SNUPN: variants seen among roughly 807,000 people sequenced by gnomAD.
The protein encoded by SNUPN is snurportin-1.
Under a neutral mutation model 39.2 loss-of-function variants are expected in SNUPN, and 31 were observed. The ratio of observed to expected loss-of-function variants is 0.79; its 90% CI spans 0.59 to 1.07. The LOEUF is 1.07. Among genes scored for constraint, SNUPN ranks in the 50% least tolerant of loss-of-function variants. The probability of loss-of-function intolerance (pLI) is 0.00; values close to 1 mark genes in which losing one functional copy is unlikely to be tolerated. For synonymous variants in SNUPN, 132 were observed against 159.0 expected (o/e 0.83, Z 1.28); for missense variants, 382 against 434.2 (o/e 0.88, Z 1.07).
At chr15:75,615,481 G>A (rs1161184300) in intron 3 of SNUPN, among the ~76,000 whole-genome samples, 1 of 151,844 alleles carries the variant, frequency 6.6e-6, no homozygotes, top group Non-Finnish European at 1.5e-5. Flanking sequence ...GCCCTAAAAT[G>A]CACTGCACTT....
At chr15:75,615,671 G>A (rs559285473) in intron 3 of SNUPN, among the ~76,000 whole-genome samples, 7 of 135,614 alleles carry the variant, frequency 5.2e-5, no homozygotes, top group Admixed American at 2.6e-4. Flanking sequence ...GTGTGATCTC[G>A]GCTCACTGCA....
chr15:75,612,427 C>T (rs1245924222), intron 3 of SNUPN, among the ~76,000 whole-genome samples: 2 of 152,158 alleles, frequency 1.3e-5, no homozygotes, highest in Non-Finnish European at 2.9e-5. Flanking sequence ...CCCTTGGCAC[C>T]ATGACATAGC....
At chr15:75,609,515 A>T (rs1277203636) in intron 5 of SNUPN, 43 bp downstream of exon 5, 6 of 1,529,052 alleles carry the variant, frequency 3.9e-6, no homozygotes, top group Non-Finnish European at 4.5e-6. Context: ...AGCAAATTAC[A>T]CTGTCTTTTA....
At chr15:75,623,925 ATTTT>A (rs144317163) in intron 1 of SNUPN, among the ~76,000 whole-genome samples, 2 of 118,396 alleles carry the variant, frequency 1.7e-5, no homozygotes, top group Non-Finnish European at 3.4e-5. Flanking sequence ...TCATGATAAA[ATTTT>A]TTTTTTTTTT....
intron 1 of SNUPN, among the ~76,000 whole-genome samples, chr15:75,621,309 G>A (rs992393663): frequency 6.2e-5 from 9 of 144,832 alleles, no homozygotes; most frequent in Non-Finnish European, 1.0e-4. Flanking sequence ...CACCCAGGTC[G>A]GAGTGTAGTG....
At chr15:75,599,332 T>G (rs534094990) in intron 8 of SNUPN, among the ~76,000 whole-genome samples, 14 of 152,208 alleles carry the variant, frequency 9.2e-5, no homozygotes, top group African/African-American at 3.1e-4. Context: ...ACACAGTGAG[T>G]AGGAAGCAGG....
chr15:75,613,236 G>C (rs1457451268), intron 3 of SNUPN, among the ~76,000 whole-genome samples: 1 of 136,914 alleles, frequency 7.3e-6, no homozygotes, highest in Non-Finnish European at 1.5e-5. Flanking sequence ...TCCAGCCTGG[G>C]CGACAGAGCA....
intron 1 of SNUPN, among the ~76,000 whole-genome samples, chr15:75,623,925 AT>A (rs144317163): frequency 0.28 from 33,269 of 118,154 alleles, 3,276 homozygotes; most frequent in Middle Eastern, 0.42. Flanking sequence ...TCATGATAAA[AT>A]TTTTTTTTTT....
At chr15:75,605,964 G>A (rs1347719716) in intron 6 of SNUPN, among the ~76,000 whole-genome samples, 1 of 152,144 alleles carries the variant, frequency 6.6e-6, no homozygotes, top group Non-Finnish European at 1.5e-5. Flanking sequence ...GGCCAACATG[G>A]TGAAACGCCG....
chr15:75,620,965 G>A lies in SNUPN; in HGVS notation c.87C>T (p.Ser29=). Residue 29 remains serine, a synonymous_variant, in exon 2 of 9, where the codon TCC becomes TCT. Transcript: ENST00000308588. ...AGGAACTGTACTTGGACTTGTACTG[G>A]GATAGGCGGGGGTGTGGGGCAGCTG... ...NSTAAPHPRL[S]QYKSKYSSLE... The A allele has an allele frequency of 6.2e-7, 1 of 1,614,110 alleles. No homozygotes were observed. The highest frequency in any genetic ancestry group is 8.5e-7 in the Non-Finnish European group (1 of 1,179,996).
At position 75,598,566 on chromosome 15, in the gene SNUPN, G is replaced by A; in HGVS notation, c.875C>T (p.Ala292Val). 6.2e-7 allele frequency: 1 copy of A among 1,614,228 alleles called. No homozygotes were observed. The highest frequency in any genetic ancestry group is 1.7e-5 in the Admixed American group (1 of 60,024). ...GTCTGGCTTGGTGGTCAGCGGGCCA[G>A]CCGGCACAGCTACACCAAGGACATC... is the stretch of plus-strand genomic sequence containing the variant. The part of the protein sequence containing the change: ...VSDVLGVAVP[A>V]GPLTTKPDYA... The change falls in exon 9 of 9, where the codon GCT (alanine) becomes GTT (valine). Residue 292 changes from alanine (A) to valine (V), a missense_variant. Ala to Val is a moderately conservative substitution (Grantham distance 64). Transcript: ENST00000308588.
intron 3 of SNUPN, among the ~76,000 whole-genome samples, chr15:75,616,409 G>A (rs1329896486): frequency 2.0e-5 from 3 of 151,782 alleles, no homozygotes; most frequent in Non-Finnish European, 4.4e-5. Context: ...AGTGAGCCAC[G>A]ATCGTACCAC....
chr15:75,601,012 A>G (rs2075281163), intron 8 of SNUPN, 126 bp downstream of exon 8: 3 of 742,036 alleles, frequency 4.0e-6, no homozygotes, highest in Admixed American at 3.8e-5. Flanking sequence ...CTTTCTCCAG[A>G]ATCAGCTTTG....
rs542001197 is a variant in SNUPN at position 75,621,151 on chromosome 15, G to GA, written c.-5-96dup. 559 of 1,239,556 alleles carry GA rather than the reference G, an allele frequency of 4.5e-4. 1 individual carries two copies. The African/African-American group carries it at 6.9e-3, about 15-fold the overall frequency. The allele number at this position is 1,239,556 out of a possible 1,614,324, so 76.8% of individuals were successfully genotyped here. On this transcript the variant is annotated intron_variant, in intron 1 of 8. Transcript: ENST00000308588. ...GTTATGATATGATGGCCACATTCCT[G>GA]AAAAAAAATTAACTTAATGCAAAAT...
At chr15:75,622,290 TG>T in intron 1 of SNUPN, 1 of 938,950 alleles carries the variant, frequency 1.1e-6, no homozygotes, top group East Asian at 1.2e-4. Flanking sequence ...AGTTGTGTTT[TG>T]TTTTTGGGTG....
At chr15:75,607,461 C>T in intron 5 of SNUPN, 148 bp from the exon 6 acceptor site, 2 of 636,982 alleles carry the variant, frequency 3.1e-6, no homozygotes, top group South Asian at 1.8e-5. Flanking sequence ...TAAGGATTCA[C>T]TGGGGAGAGA....
chr15:75,620,768 G>C, intron 2 of SNUPN, 126 bp downstream of exon 2: 1 of 813,326 alleles, frequency 1.2e-6, no homozygotes, highest in Non-Finnish European at 1.9e-6. Context: ...CAACCTGTGG[G>C]CAAGAAGATC....
intron 1 of SNUPN, 159 bp downstream of exon 1, chr15:75,625,507 G>A (rs192621511): frequency 1.3e-5 from 2 of 152,174 alleles, no homozygotes; most frequent in Admixed American, 6.6e-5. Flanking sequence ...CGGAATAGAA[G>A]AACGGAAACT....
intron 5 of SNUPN, among the ~76,000 whole-genome samples, chr15:75,608,769 G>C (rs1217011588): frequency 6.6e-6 from 1 of 152,156 alleles, no homozygotes; most frequent in Non-Finnish European, 1.5e-5. Flanking sequence ...CATTTATTCT[G>C]CAACTGGGGA....
Sources: gnomAD v4.1 joint callset for allele counts (sites outside exome capture counted in the v4.1 genomes callset) on GRCh38, gnomAD v4.1.1 for gene constraint, MANE v1.5 for transcripts, NCBI Gene and HGNC (gene_info 2026-07-23, HGNC 2026-07-21) for gene names.